NOX4: variants seen among roughly 807,000 people sequenced by gnomAD.
NOX4 encodes kidney oxidase-1.
A neutral mutation model predicts 87.6 loss-of-function variants in NOX4; 69 were observed. That is an observed-to-expected ratio of 0.79 (90% CI 0.65 to 0.96). NOX4 has a LOEUF of 0.96. NOX4 is among the 40% of genes least tolerant of loss of function. NOX4 has a pLI of 0.00. For synonymous variants in NOX4, 275 were observed against 238.2 expected (o/e 1.15, Z -1.42); for missense variants, 680 against 681.5 (o/e 1.00, Z 0.02).
chr11:89,342,113 A>G lies in NOX4; in HGVS notation c.1298T>C (p.Ile433Thr), dbSNP rs767443688. The change falls in exon 14 of 18, where the codon ATT becomes ACT. Residue 433 changes from isoleucine (I) to threonine (T), a missense_variant. Ile to Thr is a moderately conservative substitution (Grantham distance 89). Coordinates refer to ENST00000263317, the MANE Select transcript of NOX4 (RefSeq NM_016931.5). ...YEVSLCVAGG[I>T]GVTPFASILN... ...TATTGATGCAAATGGAGTTACTCCA[A>G]TGCCTCCAGCCACGCAGAGGCTGAC... 1.2e-5 allele frequency: 20 copies of G among 1,613,238 alleles called. No homozygotes were observed. The highest frequency in any genetic ancestry group is 5.1e-6 in the Non-Finnish European group (6 of 1,179,348).
the NOX4 span, among the ~76,000 whole-genome samples, chr11:89,528,695 C>G: frequency 1.3e-5 from 2 of 152,138 alleles, no homozygotes; most frequent in African/African-American, 4.8e-5. Context: ...TGTAAATTTC[C>G]TGAGGCCTCA....
the NOX4 span, among the ~76,000 whole-genome samples, chr11:89,561,194 G>A: frequency 6.7e-6 from 1 of 148,944 alleles, no homozygotes; most frequent in East Asian, 2.0e-4. Flanking sequence ...ATCTCTTATG[G>A]TAATTCCATA....
chr11:89,412,725 T>A (rs1942545509), intron 8 of NOX4, among the ~76,000 whole-genome samples: 1 of 151,972 alleles, frequency 6.6e-6, no homozygotes, highest in Admixed American at 6.6e-5. Context: ...CTATGAAACC[T>A]CTAAAAGAAA....
the NOX4 span, among the ~76,000 whole-genome samples, chr11:89,530,068 G>A: frequency 6.6e-6 from 1 of 151,964 alleles, no homozygotes; most frequent in African/African-American, 2.4e-5. Flanking sequence ...GTTATTAAAA[G>A]TAAAAATTAT....
At chr11:89,534,217 C>T in the NOX4 span, among the ~76,000 whole-genome samples, 44 of 152,300 alleles carry the variant, frequency 2.9e-4, no homozygotes, top group Admixed American at 2.7e-3. Flanking sequence ...GTGTTCCTGC[C>T]TTTGTGCTTC....
the NOX4 span, among the ~76,000 whole-genome samples, chr11:89,573,514 TA>T: frequency 6.6e-6 from 1 of 152,084 alleles, no homozygotes; most frequent in African/African-American, 2.4e-5. Context: ...CTCAAACTTT[TA>T]ATAGCTGTTT....
chr11:89,381,656 C>G (rs141301475), intron 11 of NOX4, among the ~76,000 whole-genome samples: 3 of 151,878 alleles, frequency 2.0e-5, no homozygotes, highest in Non-Finnish European at 2.9e-5. Flanking sequence ...GGTCTTTTCA[C>G]GCTGACATGA....
At chr11:89,544,567 CAT>C in the NOX4 span, among the ~76,000 whole-genome samples, 1 of 151,914 alleles carries the variant, frequency 6.6e-6, no homozygotes, top group Non-Finnish European at 1.5e-5. Context: ...ACAATAATAA[CAT>C]AGTCTAGATG....
chr11:89,504,315 G>C, the NOX4 span, among the ~76,000 whole-genome samples: 1 of 151,860 alleles, frequency 6.6e-6, no homozygotes, highest in Non-Finnish European at 1.5e-5. Flanking sequence ...CACTTCACTT[G>C]GAGCTTTATA....
At chr11:89,478,582 G>A (rs979143409) in intron 2 of NOX4, among the ~76,000 whole-genome samples, 63 of 152,232 alleles carry the variant, frequency 4.1e-4, no homozygotes, top group African/African-American at 1.3e-3. Context: ...TCAAGAATCA[G>A]AATGACGGTC....
At chr11:89,551,925 G>A in the NOX4 span, among the ~76,000 whole-genome samples, 1 of 151,938 alleles carries the variant, frequency 6.6e-6, no homozygotes, top group Admixed American at 6.6e-5. Context: ...ATTGGCTGTG[G>A]ATTTGTCATA....
the NOX4 span, among the ~76,000 whole-genome samples, chr11:89,515,258 C>T: frequency 6.6e-6 from 1 of 151,988 alleles, no homozygotes; most frequent in African/African-American, 2.4e-5. Context: ...ATTTGCTCTA[C>T]AACCTTGCCA....
In NOX4 at chr11:89,335,918, G is replaced by A; in HGVS notation, c.1543C>T (p.Leu515=). Residue 515 remains leucine (L), a synonymous_variant, in exon 17 of 18, where the codon CTG becomes TTG. Coordinates refer to ENST00000263317, the MANE Select transcript of NOX4 (RefSeq NM_016931.5). ...QKIIGEKYHA[L]NSRLFIGRPR... is the part of the protein sequence containing the mutation. ...CGTCCTATAAACAGTCTTGAATTCA[G>A]TGCATGATATTTTTCTCCAATTATC... 1 of 1,597,232 alleles carries A rather than the reference G, an allele frequency of 6.3e-7. No homozygotes were observed. The highest frequency in any genetic ancestry group is 8.5e-7 in the Non-Finnish European group (1 of 1,172,328).
chr11:89,532,298 C>A, the NOX4 span, among the ~76,000 whole-genome samples: 1 of 152,196 alleles, frequency 6.6e-6, no homozygotes, highest in South Asian at 2.1e-4. Flanking sequence ...CCCTACAGAG[C>A]CACAGAGGCA....
At chr11:89,535,636 G>A in the NOX4 span, among the ~76,000 whole-genome samples, 10 of 151,180 alleles carry the variant, frequency 6.6e-5, no homozygotes, top group Non-Finnish European at 1.3e-4. Flanking sequence ...GTCTTCCTCT[G>A]TGTCTCTCAT....
Position 89,460,299 on chromosome 11 carries a change from C to A in NOX4, c.154-8404G>T, listed in dbSNP as rs556540818. 1.3e-3 allele frequency among the ~76,000 whole-genome samples: 202 copies of A among 152,136 alleles called. 1 individual carries two copies. The highest frequency in any genetic ancestry group is 0.013 in the South Asian group (61 of 4,820). ...CCAAAAGCAATGGCAACAAAAGCCA[C>A]AATTGACAAATGGGATCTAATTAAA... On this transcript the variant is annotated intron_variant, in intron 2 of 17. Transcript: ENST00000263317.
In NOX4 at chr11:89,491,268, C is replaced by T; in HGVS notation, c.-22G>A. On this transcript the variant is annotated 5_prime_UTR_variant, in exon 1 of 18. Transcript: ENST00000263317. ...CCATGCCGCCGGCCCCGCCGCGCTGCGCTCTGTGCCCGCCGGACCGAGAAG... is the reference window on the plus strand; with the variant it reads ...CCATGCCGCCGGCCCCGCCGCGCTGTGCTCTGTGCCCGCCGGACCGAGAAG... 6.2e-7 allele frequency: 1 copy of T among 1,609,792 alleles called. No homozygotes were observed. Among genetic ancestry groups the T allele is most frequent in the Non-Finnish European group, 8.5e-7 (1 of 1,177,998 alleles).
At chr11:89,408,088 T>C (rs558986500) in intron 8 of NOX4, among the ~76,000 whole-genome samples, 1 of 152,232 alleles carries the variant, frequency 6.6e-6, no homozygotes, top group Admixed American at 6.6e-5. Context: ...TAAAACCAAA[T>C]TGTGTATTTT....
intron 17 of NOX4, among the ~76,000 whole-genome samples, chr11:89,327,808 A>C (rs1375925482): frequency 6.6e-6 from 1 of 152,176 alleles, no homozygotes; most frequent in African/African-American, 2.4e-5. Context: ...AAATGAAACT[A>C]AAAGCTGTGA....
Sources: gnomAD v4.1 joint callset for allele counts (sites outside exome capture counted in the v4.1 genomes callset) on GRCh38, gnomAD v4.1.1 for gene constraint, MANE v1.5 for transcripts, NCBI Gene and HGNC (gene_info 2026-07-23, HGNC 2026-07-21) for gene names.